The following ACACA variants were observed in gnomAD, a reference collection of about 807,000 sequenced individuals.
The protein encoded by ACACA is acetyl-CoA carboxylase 1.
A neutral mutation model predicts 296.1 loss-of-function variants in ACACA; 103 were observed. That is an observed-to-expected ratio of 0.35 (90% CI 0.30 to 0.41). ACACA has a LOEUF of 0.41. Ranked by LOEUF, ACACA falls within the 10% of genes least tolerant of loss-of-function variation. The pLI, the probability that ACACA is intolerant of heterozygous loss-of-function variation, is 1.00. For synonymous variants in ACACA, 953 were observed against 1,038.6 expected (o/e 0.92, Z 1.58); for missense variants, 1,554 against 2,989.7 (o/e 0.52, Z 11.20).
At chr17:37,101,349 C>T in intron 52 of ACACA, among the ~76,000 whole-genome samples, 1 of 152,260 alleles carries the variant, frequency 6.6e-6, no homozygotes, top group East Asian at 1.9e-4. Flanking sequence ...CCAATGCATA[C>T]AATCAATAAT....
intron 1 of ACACA, among the ~76,000 whole-genome samples, chr17:37,342,545 T>C (rs973956330): frequency 4.7e-5 from 7 of 149,290 alleles, no homozygotes; most frequent in African/African-American, 1.5e-4. Flanking sequence ...TATAATGTAT[T>C]ATTCAGCTTT....
intron 1 of ACACA, chr17:37,365,520 A>C (rs551267270): frequency 4.1e-6 from 4 of 985,444 alleles, no homozygotes; most frequent in Admixed American, 6.1e-5. Flanking sequence ...CCAGTGGGAT[A>C]TATAGCTGCT....
intron 3 of ACACA, among the ~76,000 whole-genome samples, chr17:37,315,672 G>A (rs2147062805): frequency 6.6e-6 from 1 of 152,242 alleles, no homozygotes; most frequent in Admixed American, 6.5e-5. Context: ...CTTTATAAAG[G>A]ATACAACTCA....
chr17:37,389,369 G>A (rs1382200105), intron 1 of ACACA: 96 of 1,569,300 alleles, frequency 6.1e-5, no homozygotes, highest in Non-Finnish European at 8.2e-5. Context: ...GAAGGAAAGT[G>A]TTCTCTGTGT....
At chr17:37,334,063 C>A (rs550839596) in intron 2 of ACACA, among the ~76,000 whole-genome samples, 1 of 151,864 alleles carries the variant, frequency 6.6e-6, no homozygotes, top group South Asian at 2.1e-4. Flanking sequence ...ACTCACACTG[C>A]GCCTGGAGGC....
intron 51 of ACACA, among the ~76,000 whole-genome samples, 199 bp downstream of exon 51, chr17:37,112,889 T>C (rs1484378053): frequency 6.6e-6 from 1 of 152,226 alleles, no homozygotes. Context: ...TACAGTTTTT[T>C]TGGGTGCTAC....
intron 50 of ACACA, among the ~76,000 whole-genome samples, chr17:37,116,313 G>T (rs897960314): frequency 6.6e-6 from 1 of 152,134 alleles, no homozygotes. Context: ...TTACTGCTAG[G>T]AGAGACAGCA....
At chr17:37,284,109 A>T (rs1473205554) in intron 4 of ACACA, among the ~76,000 whole-genome samples, 1 of 152,200 alleles carries the variant, frequency 6.6e-6, no homozygotes, top group Non-Finnish European at 1.5e-5. Context: ...CCATCCTTTA[A>T]TCTTTTAATC....
chr17:37,214,974 A>G (rs1394745290), intron 29 of ACACA, among the ~76,000 whole-genome samples: 2 of 152,170 alleles, frequency 1.3e-5, no homozygotes, highest in Non-Finnish European at 2.9e-5. Context: ...TTGGCTACCA[A>G]TTAGTCACAT....
intron 39 of ACACA, among the ~76,000 whole-genome samples, chr17:37,181,671 G>A (rs1040855943): frequency 3.3e-5 from 5 of 151,936 alleles, no homozygotes; most frequent in Non-Finnish European, 5.9e-5. Flanking sequence ...AGGCCAAGGC[G>A]GGAGGATCAT....
rs764590311 is a variant in ACACA at position 37,224,989 on chromosome 17, T to C, written c.3474+3A>G. 5 of 1,356,444 alleles carry C rather than the reference T, an allele frequency of 3.7e-6. No homozygotes were observed. The highest frequency in any genetic ancestry group is 4.2e-6 in the Non-Finnish European group (4 of 947,782). The allele number at this position is 1,356,444 out of a possible 1,614,324, so 84.0% of individuals were successfully genotyped here. A position where few individuals can be genotyped will look rare whatever the true frequency, so the allele number is the denominator to read the frequency against. ...GGTTATATATATATATATATATATA[T>C]ACCTGCAGGTTCTCAATGCAAAATT... On this transcript the variant is annotated splice_donor_region_variant and intron_variant, in intron 27 of 55. Coordinates refer to ENST00000616317, the MANE Select transcript of ACACA (RefSeq NM_198834.3).
At chr17:37,405,686 G>T (rs980029333) in intron 1 of ACACA, among the ~76,000 whole-genome samples, 4 of 151,882 alleles carry the variant, frequency 2.6e-5, no homozygotes, top group Admixed American at 6.6e-5. Flanking sequence ...CGGAGTAGCT[G>T]GGATTACAGG....
chr17:37,203,106 C>T (rs969081460), intron 33 of ACACA, among the ~76,000 whole-genome samples: 2 of 151,880 alleles, frequency 1.3e-5, no homozygotes, highest in African/African-American at 2.4e-5. Flanking sequence ...GCGCTACAGG[C>T]GCCCGCCACC....
At chr17:37,251,153 C>G (rs1184154074) in intron 16 of ACACA, among the ~76,000 whole-genome samples, 6 of 152,114 alleles carry the variant, frequency 3.9e-5, no homozygotes, top group Non-Finnish European at 7.3e-5. Flanking sequence ...AACTATTTAA[C>G]TAGGTTACAG....
intron 6 of ACACA, 146 bp downstream of exon 6, chr17:37,277,750 C>T: frequency 6.0e-5 from 39 of 653,772 alleles, no homozygotes; most frequent in South Asian, 2.0e-4. Flanking sequence ...CTTTCTTTTC[C>T]TTATTTGGTT....
intron 35 of ACACA, among the ~76,000 whole-genome samples, chr17:37,195,477 A>G (rs1194351878): frequency 6.6e-6 from 1 of 152,152 alleles, no homozygotes; most frequent in African/African-American, 2.4e-5. Flanking sequence ...AACCACTTTC[A>G]TTAAGGTTAG....
At position 37,225,201 on chromosome 17, in the gene ACACA, C is replaced by A. The variant is rs1298821205; in HGVS notation, c.3361-96G>T. On this transcript the variant is annotated intron_variant, in intron 26 of 55. Transcript: ENST00000616317. ...TGATACAAAAGCAATAAATATAAATCTGTAAGTGCAGGCATCACAGATAAA... is the reference window on the plus strand; with the variant it reads ...TGATACAAAAGCAATAAATATAAATATGTAAGTGCAGGCATCACAGATAAA... 6.5e-6 allele frequency: 5 copies of A among 770,640 alleles called. No homozygotes were observed. The African/African-American group carries it at 8.6e-5, about 13-fold the overall frequency. 47.7% of individuals were successfully genotyped at this position (770,640 alleles called of 1,614,324 possible).
intron 1 of ACACA, among the ~76,000 whole-genome samples, 194 bp downstream of exon 1, chr17:37,406,068 C>CA (rs1180596437): frequency 1.3e-5 from 2 of 151,956 alleles, no homozygotes; most frequent in African/African-American, 4.8e-5. Flanking sequence ...AGTGTGATCC[C>CA]AAGTTATTTA....
intron 1 of ACACA, among the ~76,000 whole-genome samples, chr17:37,344,717 T>C (rs1171960227): frequency 6.6e-6 from 1 of 152,138 alleles, no homozygotes. Context: ...GAAAACTGAA[T>C]CATAGCCCAA....
Sources: allele counts gnomAD v4.1 joint callset (sites outside exome capture counted in the v4.1 genomes callset), GRCh38; gene constraint gnomAD v4.1.1; transcripts MANE v1.5; gene names NCBI Gene and HGNC (gene_info 2026-07-23, HGNC 2026-07-21).